FUT9: variants seen among roughly 807,000 people sequenced by gnomAD.
The protein encoded by FUT9 is fucosyltransferase 9.
FUT9 carries 15 observed loss-of-function variants against 29.7 expected under a neutral mutation model. That is an observed-to-expected ratio of 0.51 (90% CI 0.34 to 0.78). The LOEUF (loss-of-function observed/expected upper bound fraction) is 0.78. FUT9 is among the 30% of genes least tolerant of loss of function. The pLI, the probability that FUT9 is intolerant of heterozygous loss-of-function variation, is 0.01. For missense variants in FUT9, 319 were observed against 425.4 expected (o/e 0.75, Z 2.20); for synonymous variants, 169 against 153.7 (o/e 1.10, Z -0.74).
rs35282634 is a variant in FUT9, at chr6:96,211,617, TA to T, written c.*7383del. ...AGTGGTTCAGAAATAAAATAATTGTTAGCCAGCCTGTGATTAAGGCTACCAT... is the reference window on the plus strand; with the variant it reads ...AGTGGTTCAGAAATAAAATAATTGTTGCCAGCCTGTGATTAAGGCTACCAT... On this transcript the variant is annotated 3_prime_UTR_variant, in exon 3 of 3. Coordinates refer to ENST00000302103, the MANE Select transcript of FUT9 (RefSeq NM_006581.4). The T allele has an allele frequency of 0.17, 28,810 of 166,896 alleles. 2,805 individuals carry two copies. Among genetic ancestry groups the T allele is most frequent in the East Asian group, 0.24 (1,213 of 5,152 alleles). The allele number at this position is 166,896 out of a possible 1,614,324, so 10.3% of individuals were successfully genotyped here. A position where few individuals can be genotyped will look rare whatever the true frequency, so the allele number is the denominator to read the frequency against.
intron 2 of FUT9, among the ~76,000 whole-genome samples, chr6:96,138,595 G>A (rs1028942001): frequency 2.0e-5 from 3 of 151,998 alleles, no homozygotes; most frequent in African/African-American, 2.4e-5. Flanking sequence ...TAGCAACAAG[G>A]TTGAGGACAC....
chr6:96,124,598 T>G (rs932653058), intron 2 of FUT9, among the ~76,000 whole-genome samples: 27 of 152,132 alleles, frequency 1.8e-4, no homozygotes, highest in African/African-American at 6.3e-4. Flanking sequence ...TAGAATGGCT[T>G]CTAGTCTCCT....
At chr6:96,202,185 G>T (rs879428199) in intron 2 of FUT9, among the ~76,000 whole-genome samples, 1 of 151,556 alleles carries the variant, frequency 6.6e-6, no homozygotes, top group Non-Finnish European at 1.5e-5. Context: ...CATGAATGCC[G>T]AAGAGAAAAA....
At chr6:96,085,297 T>A (rs1173252302) in intron 1 of FUT9, among the ~76,000 whole-genome samples, 1 of 152,178 alleles carries the variant, frequency 6.6e-6, no homozygotes. Flanking sequence ...AATTTCTAGA[T>A]CAAGATGCCA....
chr6:96,064,248 A>AT (rs1188053360), intron 1 of FUT9, among the ~76,000 whole-genome samples: 1 of 152,188 alleles, frequency 6.6e-6, no homozygotes, highest in Non-Finnish European at 1.5e-5. Context: ...CAATAGTCTC[A>AT]TATCTTCATC....
intron 1 of FUT9, among the ~76,000 whole-genome samples, chr6:96,026,779 C>T (rs1443921399): frequency 6.6e-6 from 1 of 151,616 alleles, no homozygotes; most frequent in East Asian, 1.9e-4. Flanking sequence ...AACACAATGG[C>T]AGGTTTATTT....
intron 1 of FUT9, among the ~76,000 whole-genome samples, chr6:96,018,812 G>T (rs1214483025): frequency 6.6e-6 from 1 of 152,006 alleles, no homozygotes; most frequent in African/African-American, 2.4e-5. Flanking sequence ...AGAGAAAGCT[G>T]CAGGAAGGGA....
chr6:96,055,020 G>A (rs1002085900), intron 1 of FUT9, among the ~76,000 whole-genome samples: 46 of 152,010 alleles, frequency 3.0e-4, no homozygotes, highest in African/African-American at 9.9e-4. Context: ...CCTTGATTTA[G>A]TAATGAAATA....
chr6:96,189,731 C>G (rs1469855298), intron 2 of FUT9, among the ~76,000 whole-genome samples: 1 of 152,050 alleles, frequency 6.6e-6, no homozygotes, highest in Admixed American at 6.6e-5. Context: ...ATTGCAACCC[C>G]TGCCTTTTTT....
chr6:96,032,866 A>G (rs1271278703), intron 1 of FUT9, among the ~76,000 whole-genome samples: 1 of 151,634 alleles, frequency 6.6e-6, no homozygotes, highest in African/African-American at 2.4e-5. Flanking sequence ...CTGAGATAAT[A>G]TGCTTTTATT....
intron 2 of FUT9, among the ~76,000 whole-genome samples, chr6:96,159,543 C>T (rs1772858584): frequency 6.6e-6 from 1 of 152,040 alleles, no homozygotes; most frequent in African/African-American, 2.4e-5. Context: ...AATATCTCCC[C>T]AAATAAGCTT....
chr6:96,164,430 T>G (rs975653027), intron 2 of FUT9, among the ~76,000 whole-genome samples: 2 of 151,976 alleles, frequency 1.3e-5, no homozygotes, highest in African/African-American at 4.8e-5. Context: ...GGCTAATTTT[T>G]TGTATTTGTA....
At chr6:96,113,669 G>A (rs934875450) in intron 1 of FUT9, among the ~76,000 whole-genome samples, 11 of 151,442 alleles carry the variant, frequency 7.3e-5, no homozygotes, top group Non-Finnish European at 1.3e-4. Context: ...TGGCTAACAC[G>A]GTGAAACCCC....
At chr6:96,129,842 G>C (rs578191749) in intron 2 of FUT9, among the ~76,000 whole-genome samples, 1 of 152,150 alleles carries the variant, frequency 6.6e-6, no homozygotes, top group African/African-American at 2.4e-5. Context: ...ACTGAAGTGA[G>C]TAAATGTTTT....
chr6:96,204,030 A>G lies in FUT9; in HGVS notation c.875A>G (p.Tyr292Cys). ...GATTCATTCATTCATGTGGAAGATT[A>G]TAACTCTCCCAGTGAGCTAGCAAAG... The part of the protein sequence containing the change: ...PADSFIHVED[Y>C]NSPSELAKYL... Residue 292 changes from tyrosine to cysteine, a missense_variant, in exon 3 of 3, where the codon TAT (tyrosine) becomes TGT (cysteine). Coordinates refer to ENST00000302103, the MANE Select transcript of FUT9 (RefSeq NM_006581.4). The G allele has an allele frequency of 6.2e-7, 1 of 1,600,048 alleles. No individual in the cohort carries two copies. The highest frequency in any genetic ancestry group is 1.3e-5 in the African/African-American group (1 of 74,244).
chr6:96,042,679 T>C (rs1770483322), intron 1 of FUT9, among the ~76,000 whole-genome samples: 1 of 152,150 alleles, frequency 6.6e-6, no homozygotes, highest in African/African-American at 2.4e-5. Context: ...TTAGATACAA[T>C]GAAGCCCCAA....
rs201266095 is a variant in FUT9 at position 96,145,960 on chromosome 6, C to T, written c.-9+31833C>T. On this transcript the variant is annotated intron_variant, in intron 2 of 2. Transcript: ENST00000302103. ...AGCCTCAACCTCCCAGGTTGAGGTC[C>T]TCCTACCTCAGCTTCCCAAGTATCT... Among the ~76,000 whole-genome samples the T allele has an allele frequency of 3.4e-3, 372 of 109,376 alleles. 1 individual carries two copies. The highest frequency in any genetic ancestry group is 5.0e-3 in the Non-Finnish European group (238 of 47,690). The allele number at this position is 109,376 out of a possible 152,430, so 71.8% of individuals were successfully genotyped here. A position where few individuals can be genotyped will look rare whatever the true frequency, so the allele number is the denominator to read the frequency against.
At chr6:96,069,790 C>T (rs1268300795) in intron 1 of FUT9, among the ~76,000 whole-genome samples, 1 of 151,866 alleles carries the variant, frequency 6.6e-6, no homozygotes, top group African/African-American at 2.4e-5. Context: ...GCCACCATGC[C>T]CAGCTAATTT....
chr6:96,214,340 C>T lies in FUT9; in HGVS notation c.*10105C>T, dbSNP rs1773996260. On this transcript the variant is annotated 3_prime_UTR_variant, in exon 3 of 3. Transcript: ENST00000302103. ...TGCCTAAATCAGTACTACTGCCAGT[C>T]ACCTGAGGTCAGGTCTGCACAACAC... 2 of 166,982 alleles carry T rather than the reference C, an allele frequency of 1.2e-5. No individual in the cohort carries two copies. The allele number at this position is 166,982 out of a possible 1,614,324, so 10.3% of individuals were successfully genotyped here.
Sources: gnomAD v4.1 joint callset for allele counts (sites outside exome capture counted in the v4.1 genomes callset) on GRCh38, gnomAD v4.1.1 for gene constraint, MANE v1.5 for transcripts, NCBI Gene and HGNC (gene_info 2026-07-23, HGNC 2026-07-21) for gene names.